The following SAMD5 variants were observed in gnomAD, a reference collection of about 807,000 sequenced individuals.
The protein encoded by SAMD5 is sterile alpha motif domain-containing protein 5.
In SAMD5, 13 loss-of-function variants were observed where a neutral mutation model predicts 11.3. The ratio of observed to expected loss-of-function variants is 1.15; its 90% CI spans 0.75 to 1.83. SAMD5 has a LOEUF of 1.83. SAMD5 is among the 40% of genes most tolerant of loss of function. The pLI is 0.00. For missense variants in SAMD5, 255 were observed against 239.1 expected, an observed-to-expected ratio of 1.07 and a Z score of -0.44; for synonymous variants, 129 against 111.3, an observed-to-expected ratio of 1.16 and a Z score of -1.00.
At chr6:147,601,919 T>C (rs1203486619) in intron 1 of SAMD5, among the ~76,000 whole-genome samples, 8 of 152,172 alleles carry the variant, frequency 5.3e-5, no homozygotes, top group African/African-American at 1.9e-4. Flanking sequence ...CTTGGTGCAT[T>C]GCCTCCTTCA....
At chr6:147,755,194 T>C in the SAMD5 span, among the ~76,000 whole-genome samples, 2 of 152,122 alleles carry the variant, frequency 1.3e-5, no homozygotes, top group Non-Finnish European at 2.9e-5. Context: ...TTCATGAACA[T>C]GGAATATTTT....
intron 1 of SAMD5, among the ~76,000 whole-genome samples, chr6:147,672,234 A>G (rs969619970): frequency 3.3e-5 from 5 of 152,136 alleles, no homozygotes; most frequent in African/African-American, 1.2e-4. Flanking sequence ...TATTAAAGAT[A>G]CACAAGGAAA....
chr6:147,814,365 G>T, the SAMD5 span, among the ~76,000 whole-genome samples: 1,098 of 152,216 alleles, frequency 7.2e-3, 16 homozygotes, highest in African/African-American at 0.025. Context: ...TGTTAATGAG[G>T]TGATAAATAT....
chr6:147,636,887 A>G (rs1299830394), intron 1 of SAMD5, among the ~76,000 whole-genome samples: 1 of 151,762 alleles, frequency 6.6e-6, no homozygotes, highest in Non-Finnish European at 1.5e-5. Flanking sequence ...AATACTTTTC[A>G]GTTCAGACCA....
the SAMD5 span, among the ~76,000 whole-genome samples, chr6:147,864,006 G>A: frequency 1.4e-4 from 21 of 151,776 alleles, no homozygotes; most frequent in Non-Finnish European, 1.5e-4. Context: ...ACCAGACCTG[G>A]CTAATTTTTG....
the SAMD5 span, among the ~76,000 whole-genome samples, chr6:147,909,388 C>G: frequency 6.6e-6 from 1 of 152,112 alleles, no homozygotes; most frequent in African/African-American, 2.4e-5. Flanking sequence ...TATTACACAC[C>G]TTTGAAAATG....
chr6:147,909,622 T>TTCTCTCTC, the SAMD5 span, among the ~76,000 whole-genome samples: 2 of 69,782 alleles, frequency 2.9e-5, no homozygotes, highest in African/African-American at 1.6e-4. Context: ...CTTTCTTTCT[T>TTCTCTCTC]TCTTTCTTTC....
chr6:147,852,289 T>C, the SAMD5 span, among the ~76,000 whole-genome samples: 1 of 152,118 alleles, frequency 6.6e-6, no homozygotes, highest in Non-Finnish European at 1.5e-5. Flanking sequence ...CCTCAACTTA[T>C]GGTCCATATG....
At chr6:147,813,601 A>G in the SAMD5 span, among the ~76,000 whole-genome samples, 18 of 152,364 alleles carry the variant, frequency 1.2e-4, no homozygotes, top group African/African-American at 3.6e-4. Flanking sequence ...CAGCTGGAAT[A>G]TAATACAGTC....
the SAMD5 span, among the ~76,000 whole-genome samples, chr6:147,940,380 G>A: frequency 5.0e-4 from 76 of 152,008 alleles, no homozygotes; most frequent in Non-Finnish European, 8.1e-4. Flanking sequence ...TCACACACAC[G>A]GGGCATGAGC....
intron 1 of SAMD5, among the ~76,000 whole-genome samples, chr6:147,516,705 T>A (rs1333926094): frequency 3.3e-5 from 5 of 152,178 alleles, no homozygotes; most frequent in Non-Finnish European, 7.3e-5. Flanking sequence ...AGCAAAGGCT[T>A]TAAACAGCAT....
the SAMD5 span, among the ~76,000 whole-genome samples, chr6:147,746,246 C>T: frequency 2.6e-5 from 4 of 152,296 alleles, no homozygotes; most frequent in Non-Finnish European, 5.9e-5. Context: ...TGCCTCCCTC[C>T]CTTCCTCCTC....
At chr6:147,803,131 C>CTGTG in the SAMD5 span, among the ~76,000 whole-genome samples, 17,356 of 136,364 alleles carry the variant, frequency 0.13, 1,139 homozygotes, top group Non-Finnish European at 0.16. Context: ...GCCTTCCTTT[C>CTGTG]TGTGTGTGTG....
intron 1 of SAMD5, among the ~76,000 whole-genome samples, chr6:147,579,589 T>C (rs1419860165): frequency 6.7e-6 from 1 of 150,358 alleles, no homozygotes; most frequent in Non-Finnish European, 1.5e-5. Flanking sequence ...CCTCAGTTTC[T>C]CGTGTAGCTG....
At chr6:147,761,288 A>T in the SAMD5 span, among the ~76,000 whole-genome samples, 5 of 152,112 alleles carry the variant, frequency 3.3e-5, no homozygotes, top group African/African-American at 9.7e-5. Flanking sequence ...GTTTTGTTAA[A>T]TTTTTTCAAT....
chr6:147,622,645 C>T (rs1789987885), intron 1 of SAMD5, among the ~76,000 whole-genome samples: 1 of 152,206 alleles, frequency 6.6e-6, no homozygotes, highest in African/African-American at 2.4e-5. Flanking sequence ...TGAAAATGGG[C>T]TTTCTCCCTT....
At position 147,596,035 on chromosome 6, in the gene SAMD5, A is replaced by G. The variant is rs17077045; in HGVS notation, c.162+86648A>G. ...TCAATGTAAAATATGTTTGGAATAC[A>G]TGCTGATTACATGATGAGTTTAGCT... On this transcript the variant is annotated intron_variant, in intron 1 of 1. Transcript: ENST00000566741. Among the ~76,000 whole-genome samples, 1,332 of 152,324 alleles carry G rather than the reference A, an allele frequency of 8.7e-3. 59 individuals carry two copies. Among genetic ancestry groups the G allele is most frequent in the Admixed American group, 0.071 (1,080 of 15,292 alleles).
chr6:147,577,005 C>T (rs569301240), intron 1 of SAMD5, among the ~76,000 whole-genome samples: 30 of 152,280 alleles, frequency 2.0e-4, no homozygotes, highest in African/African-American at 7.0e-4. Flanking sequence ...TTTGATTCTA[C>T]CTGTTTTGTC....
At chr6:147,668,260 C>T (rs964478500) in intron 1 of SAMD5, among the ~76,000 whole-genome samples, 6 of 152,214 alleles carry the variant, frequency 3.9e-5, no homozygotes, top group Non-Finnish European at 5.9e-5. Flanking sequence ...TAGCTTGTAT[C>T]GTACTAGACA....
Sources: allele counts gnomAD v4.1 joint callset (sites outside exome capture counted in the v4.1 genomes callset), GRCh38; gene constraint gnomAD v4.1.1; transcripts MANE v1.5; gene names NCBI Gene and HGNC (gene_info 2026-07-23, HGNC 2026-07-21).